The following BMP5 variants were observed in gnomAD, a reference collection of about 807,000 sequenced individuals.
The protein encoded by BMP5 is bone morphogenetic protein 5.
BMP5 carries 23 observed loss-of-function variants against 46.6 expected under a neutral mutation model. The observed-to-expected ratio is 0.49, with a 90% CI of 0.35 to 0.70. BMP5 has a LOEUF of 0.70. Ranked by LOEUF, BMP5 falls within the 30% of genes least tolerant of loss-of-function variation. The probability of loss-of-function intolerance (pLI) is 0.00; values close to 1 mark genes in which losing one functional copy is unlikely to be tolerated. For missense variants in BMP5, 545 were observed against 565.6 expected (o/e 0.96, Z 0.37); for synonymous variants, 204 against 191.9 (o/e 1.06, Z -0.52).
chr6:55,757,215 A>C (rs1774629721), intron 6 of BMP5, among the ~76,000 whole-genome samples: 1 of 151,960 alleles, frequency 6.6e-6, no homozygotes, highest in Non-Finnish European at 1.5e-5. Context: ...GGTATTTTTC[A>C]ATAAGTAGGC....
chr6:55,874,450 C>T lies in BMP5; in HGVS notation c.416G>A (p.Ser139Asn), dbSNP rs1472900722. The T allele has an allele frequency of 6.2e-7, 1 of 1,613,188 alleles. No individual in the cohort carries two copies. ...LSRTTPLTTQ[S>N]PPLASLHDTN... ...ATCATGGAGGCTGGCTAGAGGAGGACTCTGGGTGGTCAGAGGAGTCGTCCG... is the reference window on the plus strand; with the variant it reads ...ATCATGGAGGCTGGCTAGAGGAGGATTCTGGGTGGTCAGAGGAGTCGTCCG... Residue 139 changes from serine (S) to asparagine (N), a missense_variant, in exon 1 of 7, where the codon AGT becomes AAT. Ser to Asn is a conservative substitution (Grantham distance 46). Transcript: ENST00000370830.
chr6:55,856,088 T>C (rs1255145818), intron 1 of BMP5, among the ~76,000 whole-genome samples: 1 of 152,216 alleles, frequency 6.6e-6, no homozygotes, highest in Non-Finnish European at 1.5e-5. Flanking sequence ...AATCTGTTCC[T>C]ATATCTACAA....
At chr6:55,780,113 T>C (rs1775272297) in intron 3 of BMP5, among the ~76,000 whole-genome samples, 1 of 151,830 alleles carries the variant, frequency 6.6e-6, no homozygotes. Flanking sequence ...GCCAGTATTA[T>C]ATATTGATAA....
At chr6:55,810,557 A>G (rs975555671) in intron 2 of BMP5, among the ~76,000 whole-genome samples, 4 of 152,228 alleles carry the variant, frequency 2.6e-5, no homozygotes, top group Non-Finnish European at 5.9e-5. Flanking sequence ...GCTATTACAC[A>G]GACAGTTCAA....
At chr6:55,790,278 C>T (rs976075033) in intron 3 of BMP5, among the ~76,000 whole-genome samples, 4 of 152,164 alleles carry the variant, frequency 2.6e-5, no homozygotes, top group Non-Finnish European at 5.9e-5. Context: ...AACTACAAGA[C>T]CTTTTTAATT....
intron 4 of BMP5, 101 bp from the exon 5 acceptor site, chr6:55,760,634 G>T: frequency 2.0e-6 from 2 of 1,010,386 alleles, no homozygotes; most frequent in Admixed American, 2.2e-5. Flanking sequence ...GGTTTTATTT[G>T]AAGTTGTGGA....
At chr6:55,785,762 T>A (rs77221690) in intron 3 of BMP5, among the ~76,000 whole-genome samples, 7,687 of 144,478 alleles carry the variant, frequency 0.053, 638 homozygotes, top group African/African-American at 0.2. Context: ...AAAAAAAAAT[T>A]TTTTCAGAAA....
chr6:55,847,880 C>T (rs778472831), intron 1 of BMP5, among the ~76,000 whole-genome samples: 7 of 151,894 alleles, frequency 4.6e-5, no homozygotes, highest in Non-Finnish European at 7.4e-5. Context: ...AATAGTATCA[C>T]TTTTACTCCT....
intron 3 of BMP5, among the ~76,000 whole-genome samples, chr6:55,786,693 C>T (rs975639329): frequency 3.3e-5 from 5 of 151,654 alleles, no homozygotes; most frequent in African/African-American, 7.2e-5. Flanking sequence ...TAAAGAACTA[C>T]TTATTTATAA....
intron 2 of BMP5, among the ~76,000 whole-genome samples, chr6:55,803,707 C>T (rs1333537710): frequency 6.6e-6 from 1 of 152,154 alleles, no homozygotes; most frequent in Non-Finnish European, 1.5e-5. Flanking sequence ...TGCAAGATCA[C>T]CTCCTTCAGC....
In BMP5 at chr6:55,780,477, AG is replaced by A. The variant is rs1562034462; in HGVS notation, c.833-6235del. ...CTACTAAAAAAAAAAAAAAAAAGAAAGAAAGAAAGAAAGAAAGAAAGAAACG... is the reference window on the plus strand; with the variant it reads ...CTACTAAAAAAAAAAAAAAAAAGAAAAAAGAAAGAAAGAAAGAAAGAAACG... On this transcript the variant is annotated intron_variant, in intron 3 of 6. Coordinates refer to ENST00000370830, the MANE Select transcript of BMP5 (RefSeq NM_021073.4). Among the ~76,000 whole-genome samples the A allele has an allele frequency of 1.4e-3, 187 of 138,364 alleles. 1 individual carries two copies. Among genetic ancestry groups the A allele is most frequent in the African/African-American group, 4.4e-3 (158 of 35,974 alleles). The allele number at this position is 138,364 out of a possible 152,430, so 90.8% of individuals were successfully genotyped here.
At chr6:55,868,338 A>T (rs1225713921) in intron 1 of BMP5, among the ~76,000 whole-genome samples, 1 of 152,188 alleles carries the variant, frequency 6.6e-6, no homozygotes, top group Non-Finnish European at 1.5e-5. Flanking sequence ...GAAGACAAGG[A>T]TCTTCATTGT....
At chr6:55,808,395 G>A (rs1205131352) in intron 2 of BMP5, among the ~76,000 whole-genome samples, 4 of 152,184 alleles carry the variant, frequency 2.6e-5, no homozygotes, top group Non-Finnish European at 5.9e-5. Context: ...CCTGCCATAG[G>A]AGGTTAATGT....
intron 3 of BMP5, among the ~76,000 whole-genome samples, chr6:55,782,276 A>G (rs1015094523): frequency 2.6e-5 from 4 of 152,178 alleles, no homozygotes; most frequent in African/African-American, 9.6e-5. Context: ...TTATAAATAA[A>G]AAGTAAATTT....
chr6:55,766,281 T>A (rs1774914948), intron 4 of BMP5, among the ~76,000 whole-genome samples: 1 of 152,098 alleles, frequency 6.6e-6, no homozygotes, highest in South Asian at 2.1e-4. Context: ...TGGAATTTCT[T>A]TTTCTCCTCT....
intron 3 of BMP5, among the ~76,000 whole-genome samples, chr6:55,775,624 T>C (rs948287546): frequency 3.3e-5 from 5 of 152,050 alleles, no homozygotes; most frequent in African/African-American, 9.6e-5. Flanking sequence ...GAGATGTGCA[T>C]GTTTTCTTAA....
intron 1 of BMP5, among the ~76,000 whole-genome samples, chr6:55,834,390 T>C (rs1466416931): frequency 6.6e-6 from 1 of 152,158 alleles, no homozygotes; most frequent in Non-Finnish European, 1.5e-5. Context: ...TGCATTCGAT[T>C]GATAAGCAAA....
At chr6:55,811,754 T>G (rs1405999388) in intron 2 of BMP5, among the ~76,000 whole-genome samples, 1 of 151,944 alleles carries the variant, frequency 6.6e-6, no homozygotes, top group African/African-American at 2.4e-5. Context: ...CTATGGAAAC[T>G]TCCTACTCTT....
intron 1 of BMP5, among the ~76,000 whole-genome samples, chr6:55,822,956 A>C (rs1192227620): frequency 6.6e-6 from 1 of 152,132 alleles, no homozygotes; most frequent in East Asian, 1.9e-4. Flanking sequence ...TTGCAACAAT[A>C]AATTCCATGG....
Sources: gnomAD v4.1 joint callset for allele counts (sites outside exome capture counted in the v4.1 genomes callset) on GRCh38, gnomAD v4.1.1 for gene constraint, MANE v1.5 for transcripts, NCBI Gene and HGNC (gene_info 2026-07-23, HGNC 2026-07-21) for gene names.